Variants in CDK15 observed in about 807,000 individuals in gnomAD.
The protein encoded by CDK15 is cyclin-dependent kinase 15.
CDK15 carries 62 observed loss-of-function variants against 60.3 expected under a neutral mutation model. The ratio of observed to expected loss-of-function variants is 1.03; its 90% CI spans 0.84 to 1.27. The LOEUF (loss-of-function observed/expected upper bound fraction) is 1.27, where lower values mean the gene tolerates loss of function less well. Among genes scored for constraint, CDK15 ranks in the 50% most tolerant of loss-of-function variants. The pLI is 0.00. For synonymous variants in CDK15, 194 were observed against 195.7 expected, an observed-to-expected ratio of 0.99 and a Z score of 0.07; for missense variants, 541 against 527.8, an observed-to-expected ratio of 1.03 and a Z score of -0.25.
rs753825925 is a variant in CDK15, at chr2:201,865,892, C to CCAAAAAA, written c.1010-6386_1010-6385insCAAAAAA. ...GCGACAGAGCAAGATTCCATCTCAACAAAAAAAAAAAAAAAAAAAAAAAAA... is the reference window on the plus strand; with the variant it reads ...GCGACAGAGCAAGATTCCATCTCAACCAAAAAAAAAAAAAAAAAAAAAAAAAAAAAAA... On this transcript the variant is annotated intron_variant, in intron 10 of 13. Transcript: ENST00000652192. Among the ~76,000 whole-genome samples, 63 of 40,084 alleles carry CCAAAAAA rather than the reference C, an allele frequency of 1.6e-3. 1 individual carries two copies. Among genetic ancestry groups the CCAAAAAA allele is most frequent in the African/African-American group, 4.3e-3 (59 of 13,620 alleles). The allele number at this position is 40,084 out of a possible 152,430, so 26.3% of individuals were successfully genotyped here.
At chr2:201,848,507 C>T (rs1196134683) in intron 9 of CDK15, among the ~76,000 whole-genome samples, 1 of 152,066 alleles carries the variant, frequency 6.6e-6, no homozygotes, top group Non-Finnish European at 1.5e-5. Context: ...CTCTATCATC[C>T]CTAAGGGAAG....
chr2:201,822,487 C>G (rs1696273755), intron 4 of CDK15, among the ~76,000 whole-genome samples: 1 of 152,214 alleles, frequency 6.6e-6, no homozygotes, highest in African/African-American at 2.4e-5. Context: ...TCCTGTAGCT[C>G]TGAAGCTGGA....
intron 13 of CDK15, among the ~76,000 whole-genome samples, chr2:201,892,942 A>G (rs181372297): frequency 2.0e-5 from 3 of 152,344 alleles, no homozygotes; most frequent in African/African-American, 4.8e-5. Flanking sequence ...ATGTGTACTG[A>G]TGTCTACAAC....
intron 11 of CDK15, among the ~76,000 whole-genome samples, chr2:201,877,247 C>T (rs1699111914): frequency 6.6e-6 from 1 of 152,192 alleles, no homozygotes; most frequent in Non-Finnish European, 1.5e-5. Flanking sequence ...ACAGGTCTCC[C>T]AGCCTTCCCT....
intron 7 of CDK15, among the ~76,000 whole-genome samples, chr2:201,834,540 A>G (rs1696922253): frequency 6.6e-6 from 1 of 152,218 alleles, no homozygotes; most frequent in African/African-American, 2.4e-5. Context: ...ATAAATACAT[A>G]CATGCATACA....
chr2:201,825,960 T>C lies in CDK15; in HGVS notation c.606+2233T>C, dbSNP rs1156786002. On this transcript the variant is annotated intron_variant, in intron 6 of 13. Coordinates refer to ENST00000652192, the MANE Select transcript of CDK15 (RefSeq NM_001366386.2). Reference sequence around the variant, plus strand: ...GAATAACTGTGAGAGAGTGAGATTTTCAGGCTTGAGTGACTCTCACATACC... The same window carrying C: ...GAATAACTGTGAGAGAGTGAGATTTCCAGGCTTGAGTGACTCTCACATACC... 3.9e-5 allele frequency among the ~76,000 whole-genome samples: 6 copies of C among 152,178 alleles called. No individual in the cohort carries two copies. In the East Asian group the frequency reaches 1.2e-3, roughly 29 times the overall value.
chr2:201,817,410 T>C (rs546340143), intron 4 of CDK15, among the ~76,000 whole-genome samples: 10 of 152,358 alleles, frequency 6.6e-5, no homozygotes, highest in African/African-American at 2.4e-4. Flanking sequence ...ATATGTTTGT[T>C]GGCCACTTGT....
At chr2:201,827,198 C>T (rs554489303) in intron 6 of CDK15, among the ~76,000 whole-genome samples, 2 of 152,286 alleles carry the variant, frequency 1.3e-5, no homozygotes, top group East Asian at 3.9e-4. Context: ...ATAATTCCAG[C>T]ACTTTGGGAG....
In CDK15 at chr2:201,807,525, T is replaced by C. The variant is rs747703696; in HGVS notation, c.155T>C (p.Met52Thr). The change falls in exon 2 of 14, where the codon ATG (methionine) becomes ACG (threonine). Residue 52 changes from methionine (M) to threonine (T), a missense_variant. Met to Thr is a moderately conservative substitution (Grantham distance 81). Coordinates refer to ENST00000652192, the MANE Select transcript of CDK15 (RefSeq NM_001366386.2). Reference protein sequence around the residue: ...LTDLKEASCSMTSFHPRGLQA... With the variant: ...LTDLKEASCSTTSFHPRGLQA... ...GACCTAAAAGAAGCATCATGTTCCA[T>C]GACTTCATTTCACCCCAGGGGACTT... 2 of 1,614,206 alleles carry C rather than the reference T, an allele frequency of 1.2e-6. No individual in the cohort carries two copies. The highest frequency in any genetic ancestry group is 1.1e-5 in the South Asian group (1 of 91,084).
At chr2:201,848,496 T>C (rs1326086783) in intron 9 of CDK15, among the ~76,000 whole-genome samples, 1 of 152,028 alleles carries the variant, frequency 6.6e-6, no homozygotes, top group African/African-American at 2.4e-5. Context: ...TTCCAGAACT[T>C]CTCTATCATC....
At chr2:201,890,156 G>A (rs536683370) in intron 12 of CDK15, among the ~76,000 whole-genome samples, 9 of 151,358 alleles carry the variant, frequency 5.9e-5, no homozygotes, top group Non-Finnish European at 1.0e-4. Context: ...TATCACTCTC[G>A]AACATCACCC....
At chr2:201,811,888 C>A (rs1419119354) in intron 3 of CDK15, among the ~76,000 whole-genome samples, 1 of 152,008 alleles carries the variant, frequency 6.6e-6, no homozygotes, top group Non-Finnish European at 1.5e-5. Flanking sequence ...AAGACCACTA[C>A]AAGGCTGGGC....
intron 8 of CDK15, among the ~76,000 whole-genome samples, chr2:201,844,961 G>A (rs1168016716): frequency 2.0e-5 from 3 of 151,998 alleles, no homozygotes; most frequent in East Asian, 1.9e-4. Context: ...CCAGCCTGGC[G>A]AACATGGTGA....
chr2:201,812,185 A>C (rs556359406), intron 3 of CDK15, among the ~76,000 whole-genome samples: 140 of 147,836 alleles, frequency 9.5e-4, no homozygotes, highest in African/African-American at 2.3e-3. Flanking sequence ...AAAAAAAAAA[A>C]AAAAAACAAA....
chr2:201,832,679 C>A (rs1486046229), intron 6 of CDK15, among the ~76,000 whole-genome samples: 2 of 152,236 alleles, frequency 1.3e-5, no homozygotes, highest in Admixed American at 6.5e-5. Flanking sequence ...TGCATAGCTG[C>A]AGGTATGCTA....
At chr2:201,825,639 C>A (rs1696446854) in intron 6 of CDK15, among the ~76,000 whole-genome samples, 1 of 152,042 alleles carries the variant, frequency 6.6e-6, no homozygotes, top group Non-Finnish European at 1.5e-5. Context: ...TCTGCACCAT[C>A]GCGGGACTTT....
chr2:201,872,273 C>A lies in CDK15; in HGVS notation c.1010-5C>A, dbSNP rs1363097707. 1.9e-6 allele frequency: 3 copies of A among 1,614,040 alleles called. No individual in the cohort carries two copies. Among genetic ancestry groups the A allele is most frequent in the South Asian group, 2.2e-5 (2 of 91,070 alleles). ...ATTTTTTAACGCCCTCTGTATGCTT[C>A]CCAGAATGGTTCCCACTGCCTACGC... On this transcript the variant is annotated splice_polypyrimidine_tract_variant and splice_region_variant and intron_variant, in intron 10 of 13. Transcript: ENST00000652192.
intron 10 of CDK15, chr2:201,861,077 A>G (rs1698373561): frequency 9.3e-7 from 1 of 1,077,986 alleles, no homozygotes; most frequent in Non-Finnish European, 1.1e-6. Flanking sequence ...GGGGAAAGAT[A>G]TTGATAAAAG....
At chr2:201,838,505 A>G (rs2105754979) in intron 8 of CDK15, among the ~76,000 whole-genome samples, 1 of 152,008 alleles carries the variant, frequency 6.6e-6, no homozygotes, top group South Asian at 2.1e-4. Context: ...CCTGGGTTTA[A>G]GTGATCCTCC....
Sources: allele counts gnomAD v4.1 joint callset (sites outside exome capture counted in the v4.1 genomes callset), GRCh38; gene constraint gnomAD v4.1.1; transcripts MANE v1.5; gene names NCBI Gene and HGNC (gene_info 2026-07-23, HGNC 2026-07-21).